Variants in CDH11 observed in about 807,000 individuals in gnomAD.
CDH11 encodes the protein cadherin-11.
CDH11 carries 11 observed loss-of-function variants against 67.8 expected under a neutral mutation model. The ratio of observed to expected loss-of-function variants is 0.16; its 90% CI spans 0.10 to 0.27. The LOEUF (loss-of-function observed/expected upper bound fraction) is 0.27. CDH11 is among the 10% of genes least tolerant of loss of function. The probability of loss-of-function intolerance (pLI) is 1.00; values close to 1 mark genes in which losing one functional copy is unlikely to be tolerated. For missense variants in CDH11, 847 were observed against 1,031.2 expected (o/e 0.82, Z 2.45); for synonymous variants, 419 against 400.0 (o/e 1.05, Z -0.57).
chr16:65,046,543 T>C (rs1243533721), intron 2 of CDH11, among the ~76,000 whole-genome samples: 1 of 152,158 alleles, frequency 6.6e-6, no homozygotes, highest in Non-Finnish European at 1.5e-5. Context: ...TCTCAGTAAA[T>C]CAATGCTGGG....
At chr16:64,976,264 C>T (rs1387410470) in intron 8 of CDH11, among the ~76,000 whole-genome samples, 1 of 151,972 alleles carries the variant, frequency 6.6e-6, no homozygotes, top group Non-Finnish European at 1.5e-5. Flanking sequence ...AATGCCTGGA[C>T]AGGGATCAAA....
intron 11 of CDH11, 28 bp downstream of exon 11, chr16:64,971,551 C>A (rs377418741): frequency 7.5e-7 from 1 of 1,335,624 alleles, no homozygotes; most frequent in African/African-American, 1.5e-5. Context: ...TTCTACTTCT[C>A]TGAATGCGTA....
At chr16:65,108,760 G>A (rs1454696852) in intron 1 of CDH11, among the ~76,000 whole-genome samples, 1 of 152,114 alleles carries the variant, frequency 6.6e-6, no homozygotes, top group East Asian at 1.9e-4. Context: ...ATTTTACTAA[G>A]CTGCCTATAT....
intron 1 of CDH11, among the ~76,000 whole-genome samples, chr16:65,091,932 T>G (rs1316154669): frequency 2.0e-5 from 3 of 152,114 alleles, no homozygotes; most frequent in African/African-American, 7.2e-5. Flanking sequence ...TTTATCAAGC[T>G]CCCTCCTTTT....
Position 64,948,011 on chromosome 16 carries a change from A to G in CDH11, c.1983T>C (p.Ile661=). The change falls in exon 13 of 13, where the codon ATT becomes ATC. Residue 661 remains isoleucine, a synonymous_variant. Coordinates refer to ENST00000268603, the MANE Select transcript of CDH11 (RefSeq NM_001797.4). ...FEEEDVRENI[I]TYDDEGGGEE... ...CCCCACCCCCTTCATCATCATAAGT[A>G]ATGATGTTCTCACGGACATCTTCTT... 6.2e-7 allele frequency: 1 copy of G among 1,614,116 alleles called. No individual in the cohort carries two copies. Among genetic ancestry groups the G allele is most frequent in the South Asian group, 1.1e-5 (1 of 91,076 alleles).
chr16:65,005,503 C>CTG (rs2073033968), intron 2 of CDH11, among the ~76,000 whole-genome samples: 1 of 152,122 alleles, frequency 6.6e-6, no homozygotes, highest in African/African-American at 2.4e-5. Flanking sequence ...GCAGAAGGAA[C>CTG]ATCACATCCA....
chr16:65,002,431 TC>T (rs1429415716), intron 3 of CDH11, among the ~76,000 whole-genome samples: 3 of 152,180 alleles, frequency 2.0e-5, no homozygotes, highest in African/African-American at 7.2e-5. Context: ...AAGCTCCACA[TC>T]CCTTGTCATG....
At chr16:64,965,373 C>A (rs879181094) in intron 11 of CDH11, among the ~76,000 whole-genome samples, 7 of 152,172 alleles carry the variant, frequency 4.6e-5, no homozygotes, top group African/African-American at 1.7e-4. Context: ...CAGAGCAAGA[C>A]TCCATCTCGA....
intron 2 of CDH11, among the ~76,000 whole-genome samples, chr16:65,011,936 T>C (rs955106811): frequency 6.6e-6 from 1 of 152,178 alleles, no homozygotes; most frequent in African/African-American, 2.4e-5. Flanking sequence ...AAGCAGTAAA[T>C]ATGCATCAAG....
chr16:65,085,560 T>C (rs963998368), intron 1 of CDH11, among the ~76,000 whole-genome samples: 2 of 152,242 alleles, frequency 1.3e-5, no homozygotes, highest in Admixed American at 6.5e-5. Flanking sequence ...AAATTAGTCC[T>C]AGAGGCAGGA....
rs2072368377 is a variant in CDH11, at chr16:64,982,157, T to C, written c.1144A>G (p.Met382Val). Reference sequence around the variant, plus strand: ...TGGATGTAACTTGGGGCCAAGAACATAGGGGGCTCATCAGCATCTTCTACT... The same window carrying C: ...TGGATGTAACTTGGGGCCAAGAACACAGGGGGCTCATCAGCATCTTCTACT... ...ISVEDADEPPMFLAPSYIHEV... is the reference protein window; with the variant it reads ...ISVEDADEPPVFLAPSYIHEV... The change falls in exon 8 of 13, where the codon ATG (methionine) becomes GTG (valine). Residue 382 changes from methionine (M) to valine (V), a missense_variant. Around this residue, in one of 2 missense-constraint regions of CDH11, gnomAD observed 612 missense variants for 678.7 expected, o/e 0.90. Coordinates refer to ENST00000268603, the MANE Select transcript of CDH11 (RefSeq NM_001797.4). 5 of 1,614,016 alleles carry C rather than the reference T, an allele frequency of 3.1e-6. No homozygotes were observed. Among genetic ancestry groups the C allele is most frequent in the Non-Finnish European group, 3.4e-6 (4 of 1,179,954 alleles).
At chr16:64,993,413 A>G (rs542070625) in intron 4 of CDH11, among the ~76,000 whole-genome samples, 2 of 152,204 alleles carry the variant, frequency 1.3e-5, no homozygotes, top group South Asian at 2.1e-4. Flanking sequence ...AGTATAATAA[A>G]TGATAATTAA....
chr16:65,068,001 A>G, intron 1 of CDH11, among the ~76,000 whole-genome samples: 1 of 95,472 alleles, frequency 1.0e-5, no homozygotes, highest in African/African-American at 3.8e-5. Context: ...GGAGGGAAGA[A>G]GGGAGGGAGA....
At chr16:64,994,606 C>T (rs1176502880) in intron 4 of CDH11, among the ~76,000 whole-genome samples, 1 of 151,906 alleles carries the variant, frequency 6.6e-6, no homozygotes, top group Non-Finnish European at 1.5e-5. Flanking sequence ...CAGCATCACA[C>T]TGAATGAGCA....
intron 1 of CDH11, among the ~76,000 whole-genome samples, chr16:65,112,266 C>T (rs1443601627): frequency 6.6e-6 from 1 of 152,014 alleles, no homozygotes; most frequent in Non-Finnish European, 1.5e-5. Context: ...ATATCACTAG[C>T]AATGCTACAA....
chr16:64,963,630 G>A (rs966516823), intron 11 of CDH11, among the ~76,000 whole-genome samples: 1 of 151,886 alleles, frequency 6.6e-6, no homozygotes, highest in Non-Finnish European at 1.5e-5. Flanking sequence ...ATGCCAAAAA[G>A]GAAGTCCCTA....
chr16:65,074,929 T>A (rs1003329586), intron 1 of CDH11, among the ~76,000 whole-genome samples: 6 of 152,160 alleles, frequency 3.9e-5, no homozygotes, highest in Admixed American at 3.9e-4. Flanking sequence ...GTGTATATAC[T>A]TGGAAATTAC....
intron 11 of CDH11, among the ~76,000 whole-genome samples, chr16:64,957,269 T>C (rs1470843428): frequency 2.6e-5 from 4 of 152,132 alleles, no homozygotes; most frequent in Non-Finnish European, 5.9e-5. Flanking sequence ...TTCTATCTTA[T>C]GAAAAAGGCC....
In CDH11 at chr16:64,958,838, A is replaced by AT. The variant is rs552042973; in HGVS notation, c.1643-7821dup. On this transcript the variant is annotated intron_variant, in intron 11 of 12. Coordinates refer to ENST00000268603, the MANE Select transcript of CDH11 (RefSeq NM_001797.4). ...AAAGAACAGTTCTTAGAAACCTAAG[A>AT]TTTTTTGTGGCAAAGAGACCCACAA... is the stretch of plus-strand genomic sequence containing the variant. 6.5e-3 allele frequency among the ~76,000 whole-genome samples: 990 copies of AT among 152,248 alleles called. 3 individuals carry two copies. Among genetic ancestry groups the AT allele is most frequent in the Non-Finnish European group, 0.011 (764 of 67,990 alleles).
Sources: gnomAD v4.1 joint callset for allele counts (sites outside exome capture counted in the v4.1 genomes callset) on GRCh38, gnomAD v4.1.1 for gene constraint, gnomAD v4.1.1 regional missense constraint, MANE v1.5 for transcripts, NCBI Gene and HGNC (gene_info 2026-07-23, HGNC 2026-07-21) for gene names.